Variants in DLD observed in about 807,000 individuals in gnomAD.
DLD encodes dihydrolipoyl dehydrogenase, mitochondrial.
A neutral mutation model predicts 62.2 loss-of-function variants in DLD; 36 were observed. The ratio of observed to expected loss-of-function variants is 0.58; its 90% confidence interval spans 0.44 to 0.76. DLD has a LOEUF of 0.76. DLD is among the 30% of genes least tolerant of loss of function. The pLI is 0.00. For missense variants in DLD, 541 were observed against 608.6 expected (o/e 0.89, Z 1.17); for synonymous variants, 204 against 199.6 (o/e 1.02, Z -0.19).
At chr7:107,891,814 A>G (rs1014216469) in intron 1 of DLD, among the ~76,000 whole-genome samples, 6 of 152,108 alleles carry the variant, frequency 3.9e-5, no homozygotes, top group Admixed American at 1.3e-4. Flanking sequence ...GCAGCTTTCA[A>G]CTGGTGTTCA....
chr7:107,904,598 A>G (rs571232936), intron 5 of DLD: 36 of 428,608 alleles, frequency 8.4e-5, no homozygotes, highest in African/African-American at 6.0e-4. Context: ...GAAATCTAGC[A>G]TTTTCCTTTA....
Position 107,905,073 on chromosome 7 carries a change from T to C in DLD, c.438+15T>C. The stretch of plus-strand genomic sequence containing the variant: ...AACAGAATAAGGTCAGTGTTTAATA[T>C]TCAGATTTCTGCTTTACTTTGAATA... On this transcript the variant is annotated intron_variant, in intron 6 of 13. Coordinates refer to ENST00000205402, the MANE Select transcript of DLD (RefSeq NM_000108.5). 1 of 1,551,802 alleles carries C rather than the reference T, an allele frequency of 6.4e-7. No individual in the cohort carries two copies. The highest frequency in any genetic ancestry group is 1.1e-5 in the South Asian group (1 of 89,480).
chr7:107,905,453 G>T lies in DLD; in HGVS notation c.531G>T (p.Lys177Asn). ...GCGGCACTCAGGTTATTGATACAAAGAACATTCTTATAGCCACGGGTTCAG... is the reference window on the plus strand; with the variant it reads ...GCGGCACTCAGGTTATTGATACAAATAACATTCTTATAGCCACGGGTTCAG... ...ADGGTQVIDT[K>N]NILIATGSEV... The change falls in exon 7 of 14, where the codon AAG becomes AAT. Residue 177 changes from lysine (K) to asparagine (N), a missense_variant. Physicochemically the swap from Lys to Asn is moderately conservative, Grantham distance 94 (BLOSUM62 0). Transcript: ENST00000205402. 6.2e-7 allele frequency: 1 copy of T among 1,613,750 alleles called. No individual in the cohort carries two copies. The highest frequency in any genetic ancestry group is 8.5e-7 in the Non-Finnish European group (1 of 1,179,738).
chr7:107,909,897 A>C (rs1259293974), intron 8 of DLD, among the ~76,000 whole-genome samples: 1 of 133,504 alleles, frequency 7.5e-6, no homozygotes, highest in Non-Finnish European at 1.5e-5. Flanking sequence ...CCCCGGCTGG[A>C]ATACAGTGGC....
chr7:107,891,834 C>T (rs2031586694), intron 1 of DLD, among the ~76,000 whole-genome samples: 1 of 152,198 alleles, frequency 6.6e-6, no homozygotes, highest in South Asian at 2.1e-4. Context: ...ATTGCCATCT[C>T]TCACGACTTC....
Position 107,905,077 on chromosome 7 carries a change from G to C in DLD, c.438+19G>C. 1.3e-6 allele frequency: 2 copies of C among 1,532,104 alleles called. No homozygotes were observed. The highest frequency in any genetic ancestry group is 1.8e-6 in the Non-Finnish European group (2 of 1,107,686). The allele number at this position is 1,532,104 out of a possible 1,614,324, so 94.9% of individuals were successfully genotyped here. ...GAATAAGGTCAGTGTTTAATATTCA[G>C]ATTTCTGCTTTACTTTGAATACAAA... On this transcript the variant is annotated intron_variant, in intron 6 of 13. Transcript: ENST00000205402.
chr7:107,898,270 C>CTTTTTTTTTTTTTTTTTTTTTTTTTT (rs67913323), intron 2 of DLD, among the ~76,000 whole-genome samples: 2 of 65,572 alleles, frequency 3.1e-5, no homozygotes, highest in Non-Finnish European at 5.4e-5. Context: ...TTTCTGTATC[C>CTTTTTTTTTTTTTTTTTTTTTTTTTT]TTTTTTTTTT....
At chr7:107,912,654 G>C (rs1392124423) in intron 8 of DLD, among the ~76,000 whole-genome samples, 2 of 151,666 alleles carry the variant, frequency 1.3e-5, no homozygotes, top group Non-Finnish European at 3.0e-5. Context: ...TTCGGATCTG[G>C]TGCTCATTTT....
chr7:107,891,260 T>A lies in DLD; in HGVS notation c.10T>A (p.Trp4Arg). 6.2e-7 allele frequency: 1 copy of A among 1,614,128 alleles called. No homozygotes were observed. Among genetic ancestry groups the A allele is most frequent in the South Asian group, 1.1e-5 (1 of 91,084 alleles). MQS[W>R]SRVYCSLAKR... is the part of the protein sequence containing the mutation. ...AAAATACAGCGGAAAAATGCAGAGC[T>A]GGAGTCGTGTGTACTGCTCCTTGGC... The change falls in exon 1 of 14, where the codon TGG becomes AGG. Residue 4 changes from tryptophan to arginine, a missense_variant. Physicochemically the swap from Trp to Arg is moderately radical, Grantham distance 101. Coordinates refer to ENST00000205402, the MANE Select transcript of DLD (RefSeq NM_000108.5).
chr7:107,912,576 T>C (rs2032169696), intron 8 of DLD, among the ~76,000 whole-genome samples: 1 of 152,164 alleles, frequency 6.6e-6, no homozygotes, highest in African/African-American at 2.4e-5. Flanking sequence ...TCTCTGGTGA[T>C]TAATAATGTT....
chr7:107,893,533 T>G, intron 2 of DLD: 1 of 305,162 alleles, frequency 3.3e-6, no homozygotes, highest in Admixed American at 5.0e-5. Context: ...ATAAATATTT[T>G]GGGAAGTAAC....
intron 1 of DLD, chr7:107,891,631 C>T (rs1022845760): frequency 4.1e-6 from 2 of 493,452 alleles, no homozygotes; most frequent in African/African-American, 2.0e-5. Context: ...ACCCATGTCC[C>T]GTATAGTCTG....
At chr7:107,908,666 CA>C (rs34468175) in intron 8 of DLD, among the ~76,000 whole-genome samples, 25,514 of 111,238 alleles carry the variant, frequency 0.23, 2,485 homozygotes, top group East Asian at 0.55. Flanking sequence ...GACCCTGTCT[CA>C]AAAAAAAAAA....
At chr7:107,895,639 A>G (rs1260769610) in intron 2 of DLD, among the ~76,000 whole-genome samples, 1 of 152,238 alleles carries the variant, frequency 6.6e-6, no homozygotes, top group Non-Finnish European at 1.5e-5. Flanking sequence ...TATAGAGCTT[A>G]CAATTCAGTT....
Position 107,893,480 on chromosome 7 carries a change from C to T in DLD, c.118+202C>T, listed in dbSNP as rs530198656. On this transcript the variant is annotated intron_variant, in intron 2 of 13. Transcript: ENST00000205402. ...GTAAAAAAACCCTGCTCTTATGAAA[C>T]TTGTAATTTGGTGATAAAAGACAAA... 7 of 429,388 alleles carry T rather than the reference C, an allele frequency of 1.6e-5. No homozygotes were observed. The South Asian group carries it at 3.4e-4, about 21-fold the overall frequency. The allele number at this position is 429,388 out of a possible 1,614,324, so 26.6% of individuals were successfully genotyped here.
chr7:107,902,343 A>C lies in DLD; in HGVS notation c.217A>C (p.Asn73His), dbSNP rs796051949. 9 of 1,613,934 alleles carry C rather than the reference A, an allele frequency of 5.6e-6. 1 individual carries two copies. Among genetic ancestry groups the C allele is most frequent in the Middle Eastern group, 3.3e-4 (2 of 6,054 alleles). Residue 73 changes from asparagine to histidine, a missense_variant, in exon 4 of 14, where the codon AAT (asparagine) becomes CAT (histidine). Physicochemically the swap from Asn to His is moderately conservative, Grantham distance 68. Transcript: ENST00000205402. ...LGFKTVCIEK[N>H]ETLGGTCLNV... ...GTTGTAGACAGTCTGCATTGAGAAA[A>C]ATGAAACACTTGGTGGAACATGCTT...
chr7:107,905,573 G>A, intron 7 of DLD, 69 bp downstream of exon 7: 2 of 1,517,910 alleles, frequency 1.3e-6, no homozygotes, highest in Non-Finnish European at 1.8e-6. Flanking sequence ...AGTTATTTAT[G>A]CTATTTGTGA....
chr7:107,918,194 T>G, intron 12 of DLD, 133 bp downstream of exon 12: 1 of 956,790 alleles, frequency 1.0e-6, no homozygotes. Context: ...TCTCTGTGCA[T>G]CATTTCTAGA....
In DLD at chr7:107,916,229, C is replaced by G. The variant is rs76932348; in HGVS notation, c.875+533C>G. On this transcript the variant is annotated intron_variant, in intron 9 of 13. Transcript: ENST00000205402. ...GCAGTCAGTAGTTGAATTTGGATTTCTGTGACTCAAAGACCTGTATTCTTA... is the reference window on the plus strand; with the variant it reads ...GCAGTCAGTAGTTGAATTTGGATTTGTGTGACTCAAAGACCTGTATTCTTA... Among the ~76,000 whole-genome samples, 1,310 of 152,254 alleles carry G rather than the reference C, an allele frequency of 8.6e-3. 22 individuals are homozygous for G. Among genetic ancestry groups the G allele is most frequent in the African/African-American group, 0.03 (1,244 of 41,536 alleles).
Sources: allele counts gnomAD v4.1 joint callset (sites outside exome capture counted in the v4.1 genomes callset), GRCh38; gene constraint gnomAD v4.1.1; transcripts MANE v1.5; gene names NCBI Gene and HGNC (gene_info 2026-07-23, HGNC 2026-07-21).